Variants in C2orf42 observed in about 807,000 individuals in gnomAD.
The protein encoded by C2orf42 is uncharacterized protein C2orf42.
In C2orf42, 44 loss-of-function variants were observed where a neutral mutation model predicts 58.9. The observed-to-expected ratio is 0.75, with a 90% CI of 0.59 to 0.96. The LOEUF (loss-of-function observed/expected upper bound fraction) is 0.96, where lower values mean the gene tolerates loss of function less well. Among genes scored for constraint, C2orf42 ranks in the 40% least tolerant of loss-of-function variants. The probability of loss-of-function intolerance (pLI) is 0.00; values close to 1 mark genes in which losing one functional copy is unlikely to be tolerated. For missense variants in C2orf42, 630 were observed against 699.2 expected, an observed-to-expected ratio of 0.90 and a Z score of 1.12; for synonymous variants, 239 against 265.4, an observed-to-expected ratio of 0.90 and a Z score of 0.97.
chr2:70,181,424 T>C lies in C2orf42; in HGVS notation c.562A>G (p.Ile188Val), dbSNP rs768383241. ...GPLVQRITKN[I>V]LVVKCKASQK... ...CTTGCCTTGCATTTCACCACCAAGATGTTTTTAGTAATTCTCTGCACCAGA... is the reference window on the plus strand; with the variant it reads ...CTTGCCTTGCATTTCACCACCAAGACGTTTTTAGTAATTCTCTGCACCAGA... Residue 188 changes from isoleucine (I) to valine (V), a missense_variant, in exon 3 of 10, where the codon ATC (isoleucine) becomes GTC (valine). Physicochemically the swap from Ile to Val is conservative, Grantham distance 29 (BLOSUM62 3). Transcript: ENST00000264434. 6.2e-7 allele frequency: 1 copy of C among 1,614,086 alleles called. No individual in the cohort carries two copies. Among genetic ancestry groups the C allele is most frequent in the Non-Finnish European group, 8.5e-7 (1 of 1,180,002 alleles).
intron 9 of C2orf42, among the ~76,000 whole-genome samples, chr2:70,151,885 T>G (rs1328830855): frequency 6.6e-6 from 1 of 151,898 alleles, no homozygotes; most frequent in Non-Finnish European, 1.5e-5. Flanking sequence ...TGGGTTCAGG[T>G]GATTCTCCAG....
chr2:70,153,458 A>G (rs1192207719), intron 9 of C2orf42, among the ~76,000 whole-genome samples: 1 of 149,028 alleles, frequency 6.7e-6, no homozygotes, highest in African/African-American at 2.5e-5. Flanking sequence ...TCCCAGGTTC[A>G]TGCCATTCTC....
chr2:70,154,856 A>G (rs1020773880), intron 9 of C2orf42, among the ~76,000 whole-genome samples: 1 of 152,126 alleles, frequency 6.6e-6, no homozygotes, highest in Non-Finnish European at 1.5e-5. Context: ...CCAGGGCCCA[A>G]GCGATCCTCC....
chr2:70,170,323 T>C (rs760816705), intron 5 of C2orf42, among the ~76,000 whole-genome samples: 1 of 151,620 alleles, frequency 6.6e-6, no homozygotes, highest in Non-Finnish European at 1.5e-5. Flanking sequence ...CTCAGCTCAC[T>C]GCAACCTCCA....
chr2:70,167,431 G>A (rs1165035807), intron 6 of C2orf42, among the ~76,000 whole-genome samples: 1 of 151,692 alleles, frequency 6.6e-6, no homozygotes, highest in Non-Finnish European at 1.5e-5. Context: ...GGTCAAGTGA[G>A]TTCAGTCTTT....
chr2:70,179,750 A>T, intron 3 of C2orf42, 108 bp from the exon 4 acceptor site: 1 of 462,396 alleles, frequency 2.2e-6, no homozygotes, highest in Non-Finnish European at 3.9e-6. Flanking sequence ...CCCCAAACGA[A>T]TTATCCCAGG....
intron 9 of C2orf42, among the ~76,000 whole-genome samples, chr2:70,159,078 G>A (rs1158738021): frequency 6.7e-6 from 1 of 149,374 alleles, no homozygotes; most frequent in Non-Finnish European, 1.5e-5. Context: ...AGTAGAGATG[G>A]GGTTTCACCA....
At chr2:70,152,273 T>C (rs11903268) in intron 9 of C2orf42, among the ~76,000 whole-genome samples, 3,748 of 152,316 alleles carry the variant, frequency 0.025, 157 homozygotes, top group African/African-American at 0.086. Flanking sequence ...TTGGTCTGTT[T>C]GGTTTCTTTT....
chr2:70,169,978 C>T (rs1313528821), intron 5 of C2orf42, among the ~76,000 whole-genome samples: 1 of 151,964 alleles, frequency 6.6e-6, no homozygotes, highest in Non-Finnish European at 1.5e-5. Context: ...AGGCTGGTCT[C>T]CAACTCCTGA....
At chr2:70,175,182 G>A (rs749086376) in intron 5 of C2orf42, among the ~76,000 whole-genome samples, 6 of 151,738 alleles carry the variant, frequency 4.0e-5, no homozygotes, top group Non-Finnish European at 7.4e-5. Context: ...GGCTGGCCTC[G>A]AACTGCTGGC....
chr2:70,171,817 C>T (rs984642977), intron 5 of C2orf42, among the ~76,000 whole-genome samples: 1 of 151,798 alleles, frequency 6.6e-6, no homozygotes, highest in Non-Finnish European at 1.5e-5. Context: ...GCCAAATTCA[C>T]TCTTAAATAT....
chr2:70,150,946 C>T (rs149280291), intron 9 of C2orf42, among the ~76,000 whole-genome samples: 3,901 of 152,270 alleles, frequency 0.026, 352 homozygotes, highest in Admixed American at 0.17. Flanking sequence ...GGGGTTTCAT[C>T]GTGTTAGCCA....
intron 9 of C2orf42, among the ~76,000 whole-genome samples, chr2:70,155,782 A>G (rs1016521460): frequency 6.6e-6 from 1 of 150,578 alleles, no homozygotes; most frequent in Non-Finnish European, 1.5e-5. Flanking sequence ...CCTGGGTGAC[A>G]GAGTGAGACT....
At chr2:70,170,475 T>C (rs1255469815) in intron 5 of C2orf42, among the ~76,000 whole-genome samples, 1 of 151,950 alleles carries the variant, frequency 6.6e-6, no homozygotes, top group African/African-American at 2.4e-5. Flanking sequence ...CTCAAACTCC[T>C]GGCCTCAAAT....
In C2orf42 at chr2:70,179,655, A is replaced by T. The variant is rs777665519; in HGVS notation, c.824-13T>A. 7.4e-6 allele frequency: 8 copies of T among 1,077,272 alleles called. No individual in the cohort carries two copies. Among genetic ancestry groups the T allele is most frequent in the Non-Finnish European group, 1.1e-5 (8 of 699,532 alleles). 66.7% of individuals were successfully genotyped at this position (1,077,272 alleles called of 1,614,324 possible). Reference sequence around the variant, plus strand: ...ATCTCTTTAAGACCTAAAAAAAAGAAGATTTCTGAATTATTAATCCTATCC... The same window carrying T: ...ATCTCTTTAAGACCTAAAAAAAAGATGATTTCTGAATTATTAATCCTATCC... On this transcript the variant is annotated splice_polypyrimidine_tract_variant and intron_variant, in intron 3 of 9. Transcript: ENST00000264434.
intron 7 of C2orf42, 37 bp from the exon 8 acceptor site, chr2:70,165,229 A>C: frequency 1.7e-6 from 2 of 1,167,904 alleles, no homozygotes; most frequent in Non-Finnish European, 2.6e-6. Flanking sequence ...AGATTACCAA[A>C]AAATAACATT....
In C2orf42 at chr2:70,181,775, C is replaced by T. The variant is rs1263568895; in HGVS notation, c.211G>A (p.Asp71Asn). 1 of 1,614,134 alleles carries T rather than the reference C, an allele frequency of 6.2e-7. No individual in the cohort carries two copies. The highest frequency in any genetic ancestry group is 1.1e-5 in the South Asian group (1 of 91,080). Residue 71 changes from aspartate (D) to asparagine (N), a missense_variant, in exon 3 of 10, where the codon GAT becomes AAT. Transcript: ENST00000264434. ...VEAVKIITGS[D>N]LQVYSVRQRD... ...TGCCGCACTGAGTAGACCTGAAGAT[C>T]AGAGCCTGTAATGATTTTGACAGCT...
At chr2:70,176,933 C>T (rs1674231329) in intron 4 of C2orf42, among the ~76,000 whole-genome samples, 2 of 152,108 alleles carry the variant, frequency 1.3e-5, no homozygotes, top group African/African-American at 4.8e-5. Context: ...CATCTCCAGA[C>T]AAAATGTTTT....
chr2:70,189,090 A>G (rs941701328), intron 1 of C2orf42, among the ~76,000 whole-genome samples: 5 of 152,062 alleles, frequency 3.3e-5, no homozygotes, highest in African/African-American at 9.7e-5. Flanking sequence ...CCCAGAAAAT[A>G]AAATATTTTT....
Sources: allele counts gnomAD v4.1 joint callset (sites outside exome capture counted in the v4.1 genomes callset), GRCh38; gene constraint gnomAD v4.1.1; transcripts MANE v1.5; gene names NCBI Gene and HGNC (gene_info 2026-07-23, HGNC 2026-07-21).